The following FRRS1L variants were observed in gnomAD, a reference collection of about 807,000 sequenced individuals.
The protein encoded by FRRS1L is ferric chelate reductase 1 like.
In FRRS1L, 22 loss-of-function variants were observed where a neutral mutation model predicts 28.6. The ratio of observed to expected loss-of-function variants is 0.77; its 90% confidence interval spans 0.55 to 1.10. FRRS1L has a LOEUF of 1.10. Among genes scored for constraint, FRRS1L ranks in the 50% least tolerant of loss-of-function variants. The probability of loss-of-function intolerance (pLI) is 0.00; values close to 1 mark genes in which losing one functional copy is unlikely to be tolerated. For missense variants in FRRS1L, 380 were observed against 386.9 expected, an observed-to-expected ratio of 0.98 and a Z score of 0.15; for synonymous variants, 158 against 151.4, an observed-to-expected ratio of 1.04 and a Z score of -0.32.
chr9:109,161,886 G>T (rs73523107), intron 1 of FRRS1L, among the ~76,000 whole-genome samples: 5 of 152,062 alleles, frequency 3.3e-5, no homozygotes, highest in Non-Finnish European at 7.4e-5. Context: ...AGTATCGAGG[G>T]GTTTTATAAG....
chr9:109,147,899 G>A (rs566519385), intron 2 of FRRS1L: 4 of 152,012 alleles, frequency 2.6e-5, no homozygotes, highest in East Asian at 1.9e-4. Flanking sequence ...TTATTTATGC[G>A]ATACACCAAA....
At chr9:109,137,888 CT>C in intron 4 of FRRS1L, 1 of 208,652 alleles carries the variant, frequency 4.8e-6, no homozygotes, top group Non-Finnish European at 9.5e-6. Flanking sequence ...TGCTGTTGAT[CT>C]GTTTCCTGCC....
intron 1 of FRRS1L, among the ~76,000 whole-genome samples, chr9:109,152,565 G>A (rs554789204): frequency 2.9e-4 from 44 of 151,602 alleles, no homozygotes; most frequent in Non-Finnish European, 2.5e-4. Flanking sequence ...AGCACTTTGG[G>A]AGGCCAAGGT....
intron 1 of FRRS1L, among the ~76,000 whole-genome samples, chr9:109,156,062 T>C (rs1034961051): frequency 2.6e-5 from 4 of 152,210 alleles, no homozygotes; most frequent in African/African-American, 7.2e-5. Context: ...AGAATCAAAA[T>C]TGTATCCAGA....
intron 4 of FRRS1L, chr9:109,138,283 G>A (rs1831139209): frequency 6.6e-6 from 1 of 152,210 alleles, no homozygotes; most frequent in African/African-American, 2.4e-5. Context: ...CTAGTCTTTG[G>A]ATGGGAAACT....
rs1831074203 is a variant in FRRS1L at position 109,133,011 on chromosome 9, T to G, written c.*4444A>C. 2 of 152,340 alleles carry G rather than the reference T, an allele frequency of 1.3e-5. No individual in the cohort carries two copies. Among genetic ancestry groups the G allele is most frequent in the Middle Eastern group, 3.4e-3 (1 of 294 alleles). 9.4% of individuals were successfully genotyped at this position (152,340 alleles called of 1,614,324 possible). On this transcript the variant is annotated 3_prime_UTR_variant, in exon 5 of 5. Transcript: ENST00000561981. ...AAATCCTGAATATAGACAGTAAACT[T>G]AATTCCAGAAATAGTAGTAAATACC...
intron 1 of FRRS1L, among the ~76,000 whole-genome samples, chr9:109,155,858 T>C (rs940278110): frequency 6.6e-6 from 1 of 152,072 alleles, no homozygotes; most frequent in African/African-American, 2.4e-5. Context: ...TGTTCTAAAA[T>C]TGATTGTGGT....
intron 1 of FRRS1L, among the ~76,000 whole-genome samples, chr9:109,161,308 T>C (rs1831477695): frequency 6.6e-6 from 1 of 152,174 alleles, no homozygotes; most frequent in South Asian, 2.1e-4. Flanking sequence ...TTTGATGCTA[T>C]TTTTTTCCCT....
In FRRS1L at chr9:109,131,911, C is replaced by T. The variant is rs1010096611; in HGVS notation, c.*5544G>A. 4.6e-5 allele frequency: 7 copies of T among 151,812 alleles called. No homozygotes were observed. Among genetic ancestry groups the T allele is most frequent in the Non-Finnish European group, 8.8e-5 (6 of 67,834 alleles). 9.4% of individuals were successfully genotyped at this position (151,812 alleles called of 1,614,324 possible). On this transcript the variant is annotated 3_prime_UTR_variant, in exon 5 of 5. Transcript: ENST00000561981. ...GGTACATAAGGTAGATGCCACATCA[C>T]ATGTGTAAAACACTCCCATGGTGCA...
chr9:109,135,084 T>C lies in FRRS1L; in HGVS notation c.*2371A>G, dbSNP rs934083585. The C allele has an allele frequency of 2.6e-5, 4 of 152,238 alleles. No homozygotes were observed. The highest frequency in any genetic ancestry group is 4.8e-5 in the African/African-American group (2 of 41,472). 9.4% of individuals were successfully genotyped at this position (152,238 alleles called of 1,614,324 possible). ...TGGAAGCTTTTGGTAACTGTGTTTG[T>C]TGATGTTTTCCTTATTTTGGTTCAA... On this transcript the variant is annotated 3_prime_UTR_variant, in exon 5 of 5. Coordinates refer to ENST00000561981, the MANE Select transcript of FRRS1L (RefSeq NM_014334.4).
chr9:109,144,532 GTT>G (rs1831229647), intron 3 of FRRS1L, among the ~76,000 whole-genome samples: 2 of 151,318 alleles, frequency 1.3e-5, no homozygotes, highest in South Asian at 4.2e-4. Flanking sequence ...ACCCGGCTAA[GTT>G]TTGTGTTTTT....
chr9:109,142,419 T>G (rs980544050), intron 3 of FRRS1L, among the ~76,000 whole-genome samples: 7 of 152,168 alleles, frequency 4.6e-5, no homozygotes, highest in African/African-American at 1.7e-4. Flanking sequence ...CTGAATGTGG[T>G]TGATACCACT....
rs746670149 is a variant in FRRS1L, at chr9:109,166,975, G to A, written c.164C>T (p.Ala55Val). The A allele has an allele frequency of 1.5e-6, 2 of 1,306,672 alleles. No homozygotes were observed. Among genetic ancestry groups the A allele is most frequent in the Non-Finnish European group, 2.0e-6 (2 of 1,020,616 alleles). 80.9% of individuals were successfully genotyped at this position (1,306,672 alleles called of 1,614,324 possible). The change falls in exon 1 of 5, where the codon GCG becomes GTG. Residue 55 changes from alanine (A) to valine (V), a missense_variant. Ala to Val is a moderately conservative substitution (Grantham distance 64). Transcript: ENST00000561981. ...GTAGGAGGAGTCGTGGCGCGGCACC[G>A]CCTCGTCGGCGCCCGTGTCCCCCCG... Reference protein sequence around the residue: ...RARGDTGADEAVPRHDSSYGT... With the variant: ...RARGDTGADEVVPRHDSSYGT...
chr9:109,162,747 T>C (rs1292918065), intron 1 of FRRS1L, among the ~76,000 whole-genome samples: 1 of 152,220 alleles, frequency 6.6e-6, no homozygotes, highest in South Asian at 2.1e-4. Context: ...GTAAGTTATA[T>C]ATCCACATAC....
At position 109,141,622 on chromosome 9, in the gene FRRS1L, T is replaced by G. The variant is rs1272570112; in HGVS notation, c.463-33A>C. 5 of 1,531,978 alleles carry G rather than the reference T, an allele frequency of 3.3e-6. No homozygotes were observed. The Admixed American group carries it at 5.3e-5, about 16-fold the overall frequency. 94.9% of individuals were successfully genotyped at this position (1,531,978 alleles called of 1,614,324 possible). A position where few individuals can be genotyped will look rare whatever the true frequency, so the allele number is the denominator to read the frequency against. On this transcript the variant is annotated intron_variant, in intron 3 of 4. Coordinates refer to ENST00000561981, the MANE Select transcript of FRRS1L (RefSeq NM_014334.4). ...GAGAAATGATTGAGAAAAAAAAAAG[T>G]CAAAGGTTCATCTTTTGCACACTGG...
intron 2 of FRRS1L, chr9:109,148,094 A>C (rs1390943092): frequency 6.6e-6 from 1 of 151,734 alleles, no homozygotes; most frequent in Admixed American, 6.6e-5. Context: ...TCAGCCTCCC[A>C]AGTAGTTGGG....
rs779958643 is a variant in FRRS1L at position 109,137,583 on chromosome 9, G to T, written c.754C>A (p.Arg252Ser). ...HDIDSPPASERVVSIYKYEDI... is the reference protein window; with the variant it reads ...HDIDSPPASESVVSIYKYEDI... ...TCATACTTGTAAATACTGACAACAC[G>T]CTCTGAAGCCGGCGGTGAGTCTATA... The change falls in exon 5 of 5, where the codon CGT becomes AGT. Residue 252 changes from arginine (R) to serine (S), a missense_variant. Coordinates refer to ENST00000561981, the MANE Select transcript of FRRS1L (RefSeq NM_014334.4). 22 of 1,611,464 alleles carry T rather than the reference G, an allele frequency of 1.4e-5. No individual in the cohort carries two copies. Among genetic ancestry groups the T allele is most frequent in the Non-Finnish European group, 1.8e-5 (21 of 1,178,306 alleles).
chr9:109,147,016 G>C lies in FRRS1L; in HGVS notation c.462+35C>G, dbSNP rs1564231208. 2.5e-6 allele frequency: 4 copies of C among 1,602,034 alleles called. No homozygotes were observed. The African/African-American group carries it at 4.0e-5, about 16-fold the overall frequency. On this transcript the variant is annotated intron_variant, in intron 3 of 4. Transcript: ENST00000561981. ...TCAAAATAGCACAGCCAACTAAAGA[G>C]AAAAAATCAGCTTCTATCATGTTTT...
intron 1 of FRRS1L, chr9:109,150,788 T>C (rs1439101302): frequency 6.6e-6 from 1 of 152,244 alleles, no homozygotes; most frequent in African/African-American, 2.4e-5. Flanking sequence ...CTAGGCTGTT[T>C]ACTCCACGTA....
Sources: gnomAD v4.1 joint callset for allele counts (sites outside exome capture counted in the v4.1 genomes callset) on GRCh38, gnomAD v4.1.1 for gene constraint, MANE v1.5 for transcripts, NCBI Gene and HGNC (gene_info 2026-07-23, HGNC 2026-07-21) for gene names.